The following TAMM41 variants were observed in gnomAD, a reference collection of about 807,000 sequenced individuals.
TAMM41 encodes the protein phosphatidate cytidylyltransferase, mitochondrial.
In TAMM41, 36 loss-of-function variants were observed where a neutral mutation model predicts 44.1. The ratio of observed to expected loss-of-function variants is 0.82; its 90% CI spans 0.63 to 1.08. The LOEUF (loss-of-function observed/expected upper bound fraction) is 1.08. Ranked by LOEUF, TAMM41 falls within the 50% of genes least tolerant of loss-of-function variation. TAMM41 has a pLI of 0.00. For missense variants in TAMM41, 417 were observed against 404.3 expected (o/e 1.03, Z -0.27); for synonymous variants, 164 against 153.1 (o/e 1.07, Z -0.53).
chr3:11,820,673 A>T (rs897770353), intron 4 of TAMM41, among the ~76,000 whole-genome samples: 11 of 152,302 alleles, frequency 7.2e-5, no homozygotes, highest in African/African-American at 2.6e-4. Context: ...AATGAATAAC[A>T]TCATGGGCAC....
At chr3:11,729,528 TTCTTTCTTTCA>T in the TAMM41 span, among the ~76,000 whole-genome samples, 467 of 116,664 alleles carry the variant, frequency 4.0e-3, 43 homozygotes, top group East Asian at 0.015. Flanking sequence ...TTTCTTTCTT[TTCTTTCTTTCA>T]TTTTTTTTTT....
chr3:11,839,251 A>C lies in TAMM41; in HGVS notation c.382T>G (p.Leu128Val). Residue 128 changes from leucine to valine, a missense_variant, in exon 3 of 8, where the codon TTA becomes GTA. Physicochemically the swap from Leu to Val is conservative, Grantham distance 32. Transcript: ENST00000455809. The part of the protein sequence containing the change: ...LIEDLLNWNN[L>V]YIAGRLQKPV... The stretch of plus-strand genomic sequence containing the variant: ...TTTTGGAGTCGTCCAGCAATGTATA[A>C]GTTATTCCAGTTGAGGAGATCTTCA... 3.1e-6 allele frequency: 5 copies of C among 1,613,740 alleles called. No homozygotes were observed. The highest frequency in any genetic ancestry group is 4.2e-6 in the Non-Finnish European group (5 of 1,179,736).
intron 3 of TAMM41, among the ~76,000 whole-genome samples, chr3:11,835,847 C>A (rs966472277): frequency 1.3e-5 from 2 of 152,138 alleles, no homozygotes; most frequent in Admixed American, 1.3e-4. Context: ...GATGAAAACA[C>A]CCCGAGGCTT....
chr3:11,835,680 G>C (rs1481321456), intron 3 of TAMM41, among the ~76,000 whole-genome samples: 1 of 152,052 alleles, frequency 6.6e-6, no homozygotes, highest in African/African-American at 2.4e-5. Context: ...ATAATACAAA[G>C]AACAATACAA....
intron 2 of TAMM41, 70 bp from the exon 3 acceptor site, chr3:11,839,384 T>C: frequency 2.0e-6 from 2 of 1,005,846 alleles, no homozygotes; most frequent in South Asian, 1.5e-5. Flanking sequence ...GTATAAAATA[T>C]AAGGAAACAG....
intron 7 of TAMM41, among the ~76,000 whole-genome samples, chr3:11,794,522 T>A (rs1015459167): frequency 6.6e-6 from 1 of 152,220 alleles, no homozygotes; most frequent in Non-Finnish European, 1.5e-5. Context: ...AAATGCAACA[T>A]CTCTTTAGAT....
At chr3:11,820,257 A>G (rs753558213) in intron 4 of TAMM41, among the ~76,000 whole-genome samples, 4 of 152,346 alleles carry the variant, frequency 2.6e-5, no homozygotes, top group Non-Finnish European at 4.4e-5. Flanking sequence ...CCCTGAAGTG[A>G]AAGATCAGTT....
chr3:11,843,104 T>C lies in TAMM41; in HGVS notation c.318+925A>G, dbSNP rs117346366. On this transcript the variant is annotated intron_variant, in intron 2 of 7. Transcript: ENST00000455809. ...CCTGGCACCAAGAGGTTCCCGTCTATCACCTGACACACATGCTCTCAATCA... is the reference window on the plus strand; with the variant it reads ...CCTGGCACCAAGAGGTTCCCGTCTACCACCTGACACACATGCTCTCAATCA... Among the ~76,000 whole-genome samples the C allele has an allele frequency of 9.5e-4, 145 of 152,272 alleles. 3 individuals are homozygous for C. The East Asian group carries it at 0.026, about 27-fold the overall frequency.
the TAMM41 span, among the ~76,000 whole-genome samples, chr3:11,756,317 C>T: frequency 1.8e-4 from 28 of 152,150 alleles, no homozygotes; most frequent in Non-Finnish European, 2.8e-4. Flanking sequence ...GAGTGTGATT[C>T]TCTTTTCTCA....
chr3:11,721,968 C>G, the TAMM41 span: 1 of 152,176 alleles, frequency 6.6e-6, no homozygotes, highest in Admixed American at 6.5e-5. Flanking sequence ...GCCCAGACAA[C>G]GCAAATGAAT....
intron 4 of TAMM41, among the ~76,000 whole-genome samples, chr3:11,822,445 A>G (rs1174402089): frequency 5.3e-5 from 8 of 152,146 alleles, no homozygotes; most frequent in African/African-American, 1.9e-4. Flanking sequence ...CCATACTCCT[A>G]AGTGATCACT....
At chr3:11,769,577 G>A in the TAMM41 span, among the ~76,000 whole-genome samples, 1 of 152,176 alleles carries the variant, frequency 6.6e-6, no homozygotes, top group Non-Finnish European at 1.5e-5. Flanking sequence ...TTTCATTTAA[G>A]AAAGAACCCG....
At chr3:11,820,936 A>G (rs555537980) in intron 4 of TAMM41, among the ~76,000 whole-genome samples, 24 of 152,264 alleles carry the variant, frequency 1.6e-4, no homozygotes, top group Admixed American at 1.5e-3. Flanking sequence ...ACCTCATTAC[A>G]AGTATGCAGA....
At chr3:11,805,120 C>G (rs997228148) in intron 7 of TAMM41, among the ~76,000 whole-genome samples, 3 of 150,890 alleles carry the variant, frequency 2.0e-5, no homozygotes, top group African/African-American at 7.3e-5. Flanking sequence ...TCTCCTGCCT[C>G]AGCCGCTCAA....
the TAMM41 span, among the ~76,000 whole-genome samples, chr3:11,778,591 A>G: frequency 6.6e-6 from 1 of 152,186 alleles, no homozygotes; most frequent in Non-Finnish European, 1.5e-5. Flanking sequence ...ATGTCTCTGT[A>G]AAATAACACT....
chr3:11,839,143 T>C lies in TAMM41; in HGVS notation c.411+79A>G. The C allele has an allele frequency of 4.6e-6, 4 of 860,816 alleles. No homozygotes were observed. In the South Asian group the frequency reaches 5.4e-5, roughly 12 times the overall value. 53.3% of individuals were successfully genotyped at this position (860,816 alleles called of 1,614,324 possible). A position where few individuals can be genotyped will look rare whatever the true frequency, so the allele number is the denominator to read the frequency against. ...TTTCTATTTCCAGAGTTCCATCTCA[T>C]TGCAATCACAATGATCAAAGTAAGG... On this transcript the variant is annotated intron_variant, in intron 3 of 7. Coordinates refer to ENST00000455809, the MANE Select transcript of TAMM41 (RefSeq NM_001284401.2).
At chr3:11,836,507 A>G (rs1409961157) in intron 3 of TAMM41, among the ~76,000 whole-genome samples, 7 of 152,198 alleles carry the variant, frequency 4.6e-5, no homozygotes, top group African/African-American at 7.2e-5. Flanking sequence ...TTTGTCACCC[A>G]GGCTGGAGTG....
intron 7 of TAMM41, among the ~76,000 whole-genome samples, chr3:11,793,083 A>AAAAAAAAAAAAAAAAAG (rs1553566249): frequency 3.0e-5 from 4 of 132,636 alleles, no homozygotes; most frequent in African/African-American, 1.1e-4. Context: ...AAAAAAAAAA[A>AAAAAAAAAAAAAAAAAG]AGAGAGTGAA....
At chr3:11,832,804 T>C (rs2079034442) in intron 3 of TAMM41, among the ~76,000 whole-genome samples, 1 of 152,166 alleles carries the variant, frequency 6.6e-6, no homozygotes, top group Non-Finnish European at 1.5e-5. Context: ...TTTGATGGCT[T>C]TTACAGAAGC....
Sources: allele counts gnomAD v4.1 joint callset (sites outside exome capture counted in the v4.1 genomes callset), GRCh38; gene constraint gnomAD v4.1.1; transcripts MANE v1.5; gene names NCBI Gene and HGNC (gene_info 2026-07-23, HGNC 2026-07-21).